Variants in PTPRT observed in about 807,000 individuals in gnomAD.
The protein encoded by PTPRT is protein tyrosine phosphatase receptor type T.
A neutral mutation model predicts 176.8 loss-of-function variants in PTPRT; 56 were observed. The ratio of observed to expected loss-of-function variants is 0.32; its 90% CI spans 0.26 to 0.40. PTPRT has a LOEUF of 0.40. Ranked by LOEUF, PTPRT falls within the 10% of genes least tolerant of loss-of-function variation. The pLI is 1.00. For missense variants in PTPRT, 1,540 were observed against 1,908.2 expected (o/e 0.81, Z 3.60); for synonymous variants, 783 against 739.0 (o/e 1.06, Z -0.96).
intron 1 of PTPRT, among the ~76,000 whole-genome samples, chr20:42,952,777 A>G (rs1981333088): frequency 6.6e-6 from 1 of 152,198 alleles, no homozygotes; most frequent in African/African-American, 2.4e-5. Context: ...GTTACAAAGC[A>G]GGGGGTCTGG....
rs2076001978 is a variant in PTPRT, at chr20:42,703,333, T to C, written c.860-25174A>G. Among the ~76,000 whole-genome samples, 6 of 150,506 alleles carry C rather than the reference T, an allele frequency of 4.0e-5. No individual in the cohort carries two copies. In the South Asian group the frequency reaches 1.1e-3, roughly 26 times the overall value. On this transcript the variant is annotated intron_variant, in intron 6 of 30. Coordinates refer to ENST00000373187, the MANE Select transcript of PTPRT (RefSeq NM_007050.6). ...AAAACCTATTCATTGACTATTTCCA[T>C]AAAAAAAATTCCTCTGTTGAGTAAC...
At chr20:42,671,867 A>G (rs981531639) in intron 7 of PTPRT, among the ~76,000 whole-genome samples, 12 of 152,222 alleles carry the variant, frequency 7.9e-5, no homozygotes, top group African/African-American at 2.7e-4. Flanking sequence ...AATTGCTTTC[A>G]TCAGTACTAA....
chr20:42,777,241 C>T (rs1026137457), intron 4 of PTPRT, among the ~76,000 whole-genome samples: 1 of 152,114 alleles, frequency 6.6e-6, no homozygotes, highest in Non-Finnish European at 1.5e-5. Flanking sequence ...ACGATGCTGC[C>T]CAAAGTCCAG....
At chr20:42,590,932 G>A (rs1029289261) in intron 7 of PTPRT, among the ~76,000 whole-genome samples, 2 of 81,644 alleles carry the variant, frequency 2.4e-5, no homozygotes, top group Non-Finnish European at 4.3e-5. Context: ...TTTAGCGTGT[G>A]TGTGTGTGTG....
chr20:42,797,550 C>A (rs946168517), intron 2 of PTPRT, among the ~76,000 whole-genome samples: 5 of 151,770 alleles, frequency 3.3e-5, no homozygotes, highest in Non-Finnish European at 5.9e-5. Context: ...CCCTCCCCCG[C>A]AAACACAGTC....
intron 1 of PTPRT, among the ~76,000 whole-genome samples, chr20:43,087,893 G>A (rs1257680620): frequency 6.6e-6 from 1 of 152,122 alleles, no homozygotes; most frequent in Non-Finnish European, 1.5e-5. Flanking sequence ...GGCTGGGAAG[G>A]GGAAGAATGG....
At chr20:42,573,118 T>C (rs1437347050) in intron 7 of PTPRT, among the ~76,000 whole-genome samples, 1 of 152,190 alleles carries the variant, frequency 6.6e-6, no homozygotes, top group Non-Finnish European at 1.5e-5. Flanking sequence ...AACTAATTAA[T>C]GTTGTAGGAA....
At chr20:42,181,311 C>G (rs1990514748) in intron 16 of PTPRT, among the ~76,000 whole-genome samples, 1 of 152,092 alleles carries the variant, frequency 6.6e-6, no homozygotes, top group South Asian at 2.1e-4. Flanking sequence ...CAGTAGGGGA[C>G]ACAAAGTGGG....
At chr20:43,147,831 G>C (rs2014216289) in intron 1 of PTPRT, among the ~76,000 whole-genome samples, 1 of 152,088 alleles carries the variant, frequency 6.6e-6, no homozygotes, top group African/African-American at 2.4e-5. Flanking sequence ...GACTTCCAAG[G>C]TGCCTTCGGC....
chr20:43,126,765 C>G (rs890840899), intron 1 of PTPRT, among the ~76,000 whole-genome samples: 1 of 152,180 alleles, frequency 6.6e-6, no homozygotes, highest in East Asian at 1.9e-4. Flanking sequence ...CCTCAGGAGA[C>G]GAGGCCACCT....
intron 7 of PTPRT, among the ~76,000 whole-genome samples, chr20:42,669,283 C>T (rs916658584): frequency 6.6e-6 from 1 of 152,116 alleles, no homozygotes; most frequent in Non-Finnish European, 1.5e-5. Context: ...TATGTCCCTT[C>T]GAGCATGGTG....
intron 15 of PTPRT, among the ~76,000 whole-genome samples, chr20:42,229,580 AAAG>A (rs2056092135): frequency 3.9e-5 from 6 of 152,226 alleles, no homozygotes; most frequent in African/African-American, 1.4e-4. Context: ...GATGATGTGA[AAAG>A]GCATTTGCCT....
chr20:42,927,832 C>T (rs2145966289), intron 1 of PTPRT, among the ~76,000 whole-genome samples: 1 of 152,352 alleles, frequency 6.6e-6, no homozygotes, highest in East Asian at 1.9e-4. Flanking sequence ...ATAATACAAA[C>T]AGACGCTTCC....
chr20:42,410,341 T>C (rs1205849384), intron 9 of PTPRT, among the ~76,000 whole-genome samples: 1 of 151,410 alleles, frequency 6.6e-6, no homozygotes, highest in African/African-American at 2.4e-5. Flanking sequence ...GCTAATAAAA[T>C]CAATAAAAAT....
At chr20:42,930,680 A>G (rs1205681590) in intron 1 of PTPRT, among the ~76,000 whole-genome samples, 1 of 151,544 alleles carries the variant, frequency 6.6e-6, no homozygotes, top group Non-Finnish European at 1.5e-5. Context: ...GGGTCTTACT[A>G]TGTTGCCCAG....
chr20:42,167,623 A>C (rs987508894), intron 16 of PTPRT, among the ~76,000 whole-genome samples: 19 of 152,308 alleles, frequency 1.2e-4, no homozygotes, highest in African/African-American at 4.6e-4. Context: ...GCGACTGCTC[A>C]TTGAGAGGAG....
At chr20:42,268,724 G>A (rs915956103) in intron 13 of PTPRT, among the ~76,000 whole-genome samples, 4 of 152,200 alleles carry the variant, frequency 2.6e-5, no homozygotes, top group African/African-American at 9.7e-5. Flanking sequence ...TAATCTAACA[G>A]GGAGTGGCTG....
At chr20:42,115,106 G>T in intron 22 of PTPRT, 93 bp downstream of exon 22, 1 of 906,070 alleles carries the variant, frequency 1.1e-6, no homozygotes. Flanking sequence ...GGGGCTGGAC[G>T]TAGAGCAGAC....
At chr20:42,500,144 GAT>G (rs1164886880) in intron 7 of PTPRT, among the ~76,000 whole-genome samples, 2 of 151,696 alleles carry the variant, frequency 1.3e-5, no homozygotes, top group Non-Finnish European at 2.9e-5. Context: ...CACTTGTTTT[GAT>G]ATATGTTTTA....
Sources: allele counts gnomAD v4.1 joint callset (sites outside exome capture counted in the v4.1 genomes callset), GRCh38; gene constraint gnomAD v4.1.1; transcripts MANE v1.5; gene names NCBI Gene and HGNC (gene_info 2026-07-23, HGNC 2026-07-21).